PTPRO: variants seen among roughly 807,000 people sequenced by gnomAD.
PTPRO encodes the protein receptor-type tyrosine-protein phosphatase O.
A neutral mutation model predicts 145.2 loss-of-function variants in PTPRO; 62 were observed. The ratio of observed to expected loss-of-function variants is 0.43; its 90% CI spans 0.35 to 0.53. The LOEUF is 0.53. PTPRO is among the 20% of genes least tolerant of loss of function. The pLI is 0.01. For synonymous variants in PTPRO, 565 were observed against 514.7 expected, an observed-to-expected ratio of 1.10 and a Z score of -1.32; for missense variants, 1,345 against 1,482.7, an observed-to-expected ratio of 0.91 and a Z score of 1.53.
At chr12:15,359,570 T>TTTTATTTA (rs61443098) in intron 1 of PTPRO, among the ~76,000 whole-genome samples, 9 of 150,192 alleles carry the variant, frequency 6.0e-5, no homozygotes, top group East Asian at 2.0e-4. Flanking sequence ...GCCTAGCTAA[T>TTTTATTTA]TTTATTTATT....
At chr12:15,478,076 AC>A (rs1488755386) in intron 1 of PTPRO, among the ~76,000 whole-genome samples, 1 of 152,076 alleles carries the variant, frequency 6.6e-6, no homozygotes, top group African/African-American at 2.4e-5. Flanking sequence ...CATTTTTCAC[AC>A]CCACTATTGA....
chr12:15,497,551 A>C, intron 3 of PTPRO, 148 bp downstream of exon 3: 1 of 921,624 alleles, frequency 1.1e-6, no homozygotes, highest in Non-Finnish European at 1.6e-6. Flanking sequence ...TTGATTTATG[A>C]AAATCGTGTT....
intron 1 of PTPRO, among the ~76,000 whole-genome samples, chr12:15,412,596 T>C (rs775128483): frequency 3.9e-5 from 6 of 152,270 alleles, no homozygotes; most frequent in Non-Finnish European, 5.9e-5. Flanking sequence ...CTAGTAATTG[T>C]TCTGGATAAC....
At chr12:15,337,462 T>C (rs2136209762) in intron 1 of PTPRO, 1 of 152,314 alleles carries the variant, frequency 6.6e-6, no homozygotes, top group Admixed American at 6.5e-5. Flanking sequence ...GATGGATGGT[T>C]ACCTCTTCCT....
intron 19 of PTPRO, among the ~76,000 whole-genome samples, chr12:15,578,179 C>G (rs914600934): frequency 4.6e-5 from 7 of 152,188 alleles, no homozygotes; most frequent in African/African-American, 1.7e-4. Flanking sequence ...TCATTCCTCA[C>G]TATTTTTTAC....
chr12:15,551,450 G>A (rs536302479), intron 14 of PTPRO, 101 bp from the exon 15 acceptor site: 68 of 1,433,124 alleles, frequency 4.7e-5, no homozygotes, highest in Non-Finnish European at 5.5e-5. Flanking sequence ...TGGTATCATC[G>A]TAAGCTCACT....
intron 1 of PTPRO, among the ~76,000 whole-genome samples, chr12:15,479,645 C>A (rs1941735389): frequency 6.6e-6 from 1 of 152,196 alleles, no homozygotes; most frequent in Admixed American, 6.5e-5. Flanking sequence ...GGGAAGTTCT[C>A]CAAGTTCTTG....
intron 1 of PTPRO, among the ~76,000 whole-genome samples, chr12:15,449,123 CAA>C (rs59963079): frequency 2.8e-5 from 4 of 140,560 alleles, no homozygotes; most frequent in Admixed American, 7.1e-5. Context: ...GATTTACAGA[CAA>C]AAAAAAAAAA....
intron 1 of PTPRO, among the ~76,000 whole-genome samples, chr12:15,433,425 C>T (rs926207975): frequency 6.6e-6 from 1 of 152,146 alleles, no homozygotes; most frequent in Non-Finnish European, 1.5e-5. Context: ...CCTCATGATC[C>T]GCCCGCCTTG....
chr12:15,585,297 T>C (rs531327372), intron 23 of PTPRO, among the ~76,000 whole-genome samples: 1 of 152,208 alleles, frequency 6.6e-6, no homozygotes, highest in African/African-American at 2.4e-5. Context: ...TAAATCCTCA[T>C]GATGTTGAAT....
intron 1 of PTPRO, among the ~76,000 whole-genome samples, chr12:15,376,934 T>C (rs1048492271): frequency 2.6e-5 from 4 of 152,172 alleles, no homozygotes; most frequent in African/African-American, 9.7e-5. Context: ...AAAGTTTAAC[T>C]GTAATTTTAT....
chr12:15,448,347 A>AAAAAAAAAAAAAAAAAAAAAAAAAC (rs1268564074), intron 1 of PTPRO, among the ~76,000 whole-genome samples: 1 of 146,892 alleles, frequency 6.8e-6, no homozygotes. Context: ...AGTAAAAAAA[A>AAAAAAAAAAAAAAAAAAAAAAAAAC]AAAAAAAAAA....
chr12:15,465,548 G>T (rs772809714), intron 1 of PTPRO, among the ~76,000 whole-genome samples: 18 of 152,194 alleles, frequency 1.2e-4, no homozygotes, highest in Non-Finnish European at 2.6e-4. Flanking sequence ...CAGGTACACA[G>T]CCATGTGTCC....
At chr12:15,565,389 A>G (rs1325016516) in intron 17 of PTPRO, 6 of 460,500 alleles carry the variant, frequency 1.3e-5, no homozygotes, top group African/African-American at 1.2e-4. Context: ...ATGTTCATGC[A>G]ATCTAGTAGA....
intron 1 of PTPRO, among the ~76,000 whole-genome samples, chr12:15,461,365 T>C (rs1156739899): frequency 2.0e-5 from 3 of 152,096 alleles, no homozygotes; most frequent in Non-Finnish European, 4.4e-5. Flanking sequence ...CTCCCTAAAA[T>C]GTATAAACCA....
chr12:15,476,036 C>T (rs1442566464), intron 1 of PTPRO, among the ~76,000 whole-genome samples: 1 of 151,964 alleles, frequency 6.6e-6, no homozygotes, highest in Non-Finnish European at 1.5e-5. Context: ...ATAAAATTTG[C>T]AGAGAGAGAA....
In PTPRO at chr12:15,414,375, G is replaced by C. The variant is rs141299093; in HGVS notation, c.76-69599G>C. ...CATTCCAGAAGCATTCAAGATCCCA[G>C]AACAGGACACCTCATCTAGCAGGTC... On this transcript the variant is annotated intron_variant, in intron 1 of 26. Coordinates refer to ENST00000281171, the MANE Select transcript of PTPRO (RefSeq NM_030667.3). Among the ~76,000 whole-genome samples the C allele has an allele frequency of 2.0e-5, 3 of 152,302 alleles. No individual in the cohort carries two copies. In the East Asian group the frequency reaches 5.8e-4, roughly 29 times the overall value.
At position 15,523,205 on chromosome 12, in the gene PTPRO, T is replaced by C. The variant is rs146416272; in HGVS notation, c.1892-1609T>C. ...TTGAAAGCATAGCTAGTTATGAATG[T>C]TTGTTGTAAGTATTAGCATCACATT... On this transcript the variant is annotated intron_variant, in intron 10 of 26. Coordinates refer to ENST00000281171, the MANE Select transcript of PTPRO (RefSeq NM_030667.3). Among the ~76,000 whole-genome samples the C allele has an allele frequency of 1.2e-3, 190 of 152,368 alleles. 2 individuals are homozygous for C. Among genetic ancestry groups the C allele is most frequent in the African/African-American group, 4.3e-3 (178 of 41,586 alleles).
rs1395111473 is a variant in PTPRO at position 15,539,812 on chromosome 12, T to C, written c.2165-6757T>C. Among the ~76,000 whole-genome samples, 3 of 130,196 alleles carry C rather than the reference T, an allele frequency of 2.3e-5. No homozygotes were observed. In the East Asian group the frequency reaches 6.6e-4, roughly 29 times the overall value. The allele number at this position is 130,196 out of a possible 152,430, so 85.4% of individuals were successfully genotyped here. ...AAAAAAAAAGAATATAGTTAAAAAG[T>C]AATGCAAATGACAGACATTTCTAAC... is the stretch of plus-strand genomic sequence containing the variant. On this transcript the variant is annotated intron_variant, in intron 12 of 26. Transcript: ENST00000281171.
Sources: allele counts gnomAD v4.1 joint callset (sites outside exome capture counted in the v4.1 genomes callset), GRCh38; gene constraint gnomAD v4.1.1; transcripts MANE v1.5; gene names NCBI Gene and HGNC (gene_info 2026-07-23, HGNC 2026-07-21).